The following RNF111 variants were observed in gnomAD, a reference collection of about 807,000 sequenced individuals.
RNF111 encodes E3 ubiquitin-protein ligase Arkadia.
Under a neutral mutation model 95.1 loss-of-function variants are expected in RNF111, and 17 were observed. The observed-to-expected ratio is 0.18, with a 90% CI of 0.12 to 0.27. The LOEUF is 0.27. Ranked by LOEUF, RNF111 falls within the 10% of genes least tolerant of loss-of-function variation. RNF111 has a pLI of 1.00. For synonymous variants in RNF111, 440 were observed against 414.8 expected (o/e 1.06, Z -0.74); for missense variants, 1,189 against 1,210.4 (o/e 0.98, Z 0.26).
chr15:59,048,483 C>T (rs905982324), intron 2 of RNF111, among the ~76,000 whole-genome samples: 13 of 152,040 alleles, frequency 8.6e-5, no homozygotes, highest in East Asian at 1.9e-4. Flanking sequence ...ATAGGACTTG[C>T]GAGCTCTTTT....
intron 1 of RNF111, among the ~76,000 whole-genome samples, chr15:59,002,704 G>GCA (rs2039376170): frequency 6.6e-6 from 1 of 152,126 alleles, no homozygotes; most frequent in South Asian, 2.1e-4. Context: ...TAAAAATGTG[G>GCA]CACACAGTTC....
At chr15:59,055,997 C>T (rs573283601) in intron 4 of RNF111, 152 bp downstream of exon 4, 16 of 591,632 alleles carry the variant, frequency 2.7e-5, no homozygotes, top group Admixed American at 1.5e-4. Context: ...TAATTGATAT[C>T]CTAGGCTTGT....
At chr15:59,086,750 T>C (rs1163354470) in intron 10 of RNF111, among the ~76,000 whole-genome samples, 1 of 152,216 alleles carries the variant, frequency 6.6e-6, no homozygotes, top group East Asian at 1.9e-4. Flanking sequence ...CTGGTGTTTC[T>C]AATTTTAGGA....
intron 2 of RNF111, among the ~76,000 whole-genome samples, chr15:59,043,889 T>C (rs1172180758): frequency 6.6e-6 from 1 of 152,236 alleles, no homozygotes; most frequent in African/African-American, 2.4e-5. Context: ...GCTTTAGAAT[T>C]GGAATTAGCT....
intron 1 of RNF111, among the ~76,000 whole-genome samples, chr15:58,997,567 C>G (rs1596027854): frequency 6.6e-6 from 1 of 151,768 alleles, no homozygotes; most frequent in East Asian, 1.9e-4. Flanking sequence ...GCCTGTAATC[C>G]CAGCACTTTG....
chr15:58,994,072 CTG>C (rs1305098829), intron 1 of RNF111, among the ~76,000 whole-genome samples: 1 of 129,152 alleles, frequency 7.7e-6, no homozygotes, highest in Non-Finnish European at 1.6e-5. Context: ...GAGTCTCACT[CTG>C]TGGCCCAGGC....
chr15:59,064,785 A>C (rs1038582515), intron 5 of RNF111, among the ~76,000 whole-genome samples: 1 of 151,906 alleles, frequency 6.6e-6, no homozygotes, highest in Non-Finnish European at 1.5e-5. Context: ...GATTAGAGCT[A>C]CTGTGTAACA....
chr15:59,089,975 ATATC>A (rs2079002684), intron 11 of RNF111, among the ~76,000 whole-genome samples: 1 of 152,228 alleles, frequency 6.6e-6, no homozygotes, highest in African/African-American at 2.4e-5. Flanking sequence ...GTAAATGAAA[ATATC>A]TAATATAGAA....
In RNF111 at chr15:59,015,875, C is replaced by G. The variant is rs575532865; in HGVS notation, c.-19-14929C>G. ...TATTCTGGTTATTTATTTATTTATT[C>G]GAGACAGGTTCTCACGCCCAGGTTG... is the stretch of plus-strand genomic sequence containing the variant. On this transcript the variant is annotated intron_variant, in intron 1 of 13. Transcript: ENST00000348370. 9.2e-5 allele frequency among the ~76,000 whole-genome samples: 14 copies of G among 151,932 alleles called. No individual in the cohort carries two copies. The South Asian group carries it at 2.7e-3, about 29-fold the overall frequency.
chr15:59,051,364 A>G (rs959892878), intron 2 of RNF111, among the ~76,000 whole-genome samples: 36 of 151,732 alleles, frequency 2.4e-4, no homozygotes, highest in African/African-American at 7.5e-4. Flanking sequence ...AGGCTGAGGC[A>G]GGAGAACAGT....
intron 3 of RNF111, among the ~76,000 whole-genome samples, chr15:59,053,419 A>G (rs751973622): frequency 1.3e-5 from 2 of 152,190 alleles, no homozygotes; most frequent in Non-Finnish European, 2.9e-5. Flanking sequence ...GTTGGAACGA[A>G]TTTAGAAGTG....
chr15:59,070,029 C>CTT lies in RNF111; in HGVS notation c.1686+2975_1686+2976dup, dbSNP rs1189748185. ...CCCCCCAACCCCACCCCACCTCCTGCTTTTTTTTTTTTTTTTTTTTTTTTT... is the reference window on the plus strand; with the variant it reads ...CCCCCCAACCCCACCCCACCTCCTGCTTTTTTTTTTTTTTTTTTTTTTTTTTT... On this transcript the variant is annotated intron_variant, in intron 6 of 13. Coordinates refer to ENST00000348370, the MANE Select transcript of RNF111 (RefSeq NM_017610.8). 9.7e-4 allele frequency among the ~76,000 whole-genome samples: 22 copies of CTT among 22,682 alleles called. 1 individual carries two copies. The highest frequency in any genetic ancestry group is 3.7e-3 in the African/African-American group (16 of 4,270). The allele number at this position is 22,682 out of a possible 152,430, so 14.9% of individuals were successfully genotyped here.
At chr15:58,999,589 G>A (rs1377209260) in intron 1 of RNF111, among the ~76,000 whole-genome samples, 1 of 152,138 alleles carries the variant, frequency 6.6e-6, no homozygotes, top group African/African-American at 2.4e-5. Flanking sequence ...GCCCACCTCA[G>A]CCTCCTCAAG....
intron 1 of RNF111, among the ~76,000 whole-genome samples, chr15:59,012,252 C>G (rs2039860112): frequency 6.6e-6 from 1 of 152,026 alleles, no homozygotes; most frequent in African/African-American, 2.4e-5. Context: ...CTTCTGACCT[C>G]AGGTGGTCCA....
chr15:59,019,105 A>AT (rs35154303), intron 1 of RNF111, among the ~76,000 whole-genome samples: 337 of 121,258 alleles, frequency 2.8e-3, no homozygotes, highest in Middle Eastern at 0.013. Flanking sequence ...GTATTTTTGT[A>AT]TTTTTTTTTT....
chr15:59,019,804 C>G (rs143494874), intron 1 of RNF111, among the ~76,000 whole-genome samples: 1 of 151,888 alleles, frequency 6.6e-6, no homozygotes, highest in Admixed American at 6.6e-5. Flanking sequence ...ACTGAAAATA[C>G]AAAAATTAGC....
At chr15:59,020,230 T>G (rs2040270284) in intron 1 of RNF111, among the ~76,000 whole-genome samples, 1 of 149,770 alleles carries the variant, frequency 6.7e-6, no homozygotes, top group Admixed American at 6.7e-5. Context: ...ATAAAGATAA[T>G]ATGTATATAC....
chr15:59,071,085 C>T (rs1405754323), intron 6 of RNF111, among the ~76,000 whole-genome samples: 3 of 151,614 alleles, frequency 2.0e-5, no homozygotes, highest in African/African-American at 7.3e-5. Flanking sequence ...ATCATGAAGT[C>T]AGGAGATTGA....
At chr15:59,055,385 A>C (rs1490952507) in intron 3 of RNF111, among the ~76,000 whole-genome samples, 2 of 152,208 alleles carry the variant, frequency 1.3e-5, no homozygotes, top group African/African-American at 2.4e-5. Context: ...TATTAACAGA[A>C]AATGTAAATA....
Sources: allele counts gnomAD v4.1 joint callset (sites outside exome capture counted in the v4.1 genomes callset), GRCh38; gene constraint gnomAD v4.1.1; transcripts MANE v1.5; gene names NCBI Gene and HGNC (gene_info 2026-07-23, HGNC 2026-07-21).